The following PHGDH variants were observed in gnomAD, a reference collection of about 807,000 sequenced individuals.
PHGDH encodes D-3-phosphoglycerate dehydrogenase.
Under a neutral mutation model 52.6 loss-of-function variants are expected in PHGDH, and 50 were observed. That is an observed-to-expected ratio of 0.95 (90% confidence interval 0.76 to 1.20). PHGDH has a LOEUF of 1.20. Among genes scored for constraint, PHGDH ranks in the 50% most tolerant of loss-of-function variants. PHGDH has a pLI of 0.00. For synonymous variants in PHGDH, 271 were observed against 280.5 expected (o/e 0.97, Z 0.34); for missense variants, 630 against 684.6 (o/e 0.92, Z 0.89).
At chr1:119,722,517 A>T (rs587676289) in intron 2 of PHGDH, among the ~76,000 whole-genome samples, 14 of 152,254 alleles carry the variant, frequency 9.2e-5, no homozygotes, top group Non-Finnish European at 1.3e-4. Flanking sequence ...TTAGGGTGTG[A>T]GGAGGCTTTC....
At chr1:119,739,840 G>A (rs1201598557) in intron 8 of PHGDH, 1 of 157,516 alleles carries the variant, frequency 6.3e-6, no homozygotes, top group African/African-American at 2.4e-5. Flanking sequence ...TCCCCTCAGT[G>A]TCACAACATG....
At chr1:119,726,435 T>C (rs1651418420) in intron 3 of PHGDH, among the ~76,000 whole-genome samples, 1 of 152,094 alleles carries the variant, frequency 6.6e-6, no homozygotes, top group African/African-American at 2.4e-5. Flanking sequence ...TAGGTTATGG[T>C]GCTGGATGAG....
chr1:119,714,124 A>G (rs953097324), intron 1 of PHGDH, among the ~76,000 whole-genome samples: 2 of 152,182 alleles, frequency 1.3e-5, no homozygotes, highest in Non-Finnish European at 1.5e-5. Flanking sequence ...CAGAATGCCA[A>G]TTAATCTCCT....
In PHGDH at chr1:119,737,100, C is replaced by G. The variant is rs1421860040; in HGVS notation, c.793-14C>G. On this transcript the variant is annotated splice_polypyrimidine_tract_variant and intron_variant, in intron 7 of 11. Coordinates refer to ENST00000641023, the MANE Select transcript of PHGDH (RefSeq NM_006623.4). ...TCCATGGCAGCCAACTTAGAGGTAT[C>G]TCTTTCTGGGCAGGAGCCGCCACGG... 1.2e-6 allele frequency: 2 copies of G among 1,613,760 alleles called. No homozygotes were observed. Among genetic ancestry groups the G allele is most frequent in the Admixed American group, 1.7e-5 (1 of 60,028 alleles).
chr1:119,717,217 A>C lies in PHGDH; in HGVS notation c.139-3953A>C, dbSNP rs192409401. Among the ~76,000 whole-genome samples the C allele has an allele frequency of 4.9e-4, 63 of 127,634 alleles. No homozygotes were observed. In the Middle Eastern group the frequency reaches 0.012, roughly 25 times the overall value. 83.7% of individuals were successfully genotyped at this position (127,634 alleles called of 152,430 possible). A position where few individuals can be genotyped will look rare whatever the true frequency, so the allele number is the denominator to read the frequency against. On this transcript the variant is annotated intron_variant, in intron 1 of 11. Transcript: ENST00000641023. ...ATTGCACTCCAGCCTGGGCAATAAG[A>C]GTGAAACTCTGTCTCAAAAAAAAAA... is the stretch of plus-strand genomic sequence containing the variant.
chr1:119,720,487 A>G (rs1448648717), intron 1 of PHGDH: 1 of 152,886 alleles, frequency 6.5e-6, no homozygotes, highest in Non-Finnish European at 1.5e-5. Context: ...ATTTGATCCC[A>G]CCTCTGCCCT....
At chr1:119,736,967 G>C (rs1242768640) in intron 7 of PHGDH, 147 bp from the exon 8 acceptor site, 2 of 722,250 alleles carry the variant, frequency 2.8e-6, no homozygotes, top group Non-Finnish European at 4.9e-6. Context: ...GCCCATTATT[G>C]AGTCCAGTGA....
chr1:119,737,759 A>G (rs1011526360), intron 8 of PHGDH, among the ~76,000 whole-genome samples: 4 of 152,090 alleles, frequency 2.6e-5, no homozygotes, highest in Admixed American at 2.0e-4. Context: ...TCCCCAAATC[A>G]AGGCATAAGA....
chr1:119,721,138 C>T (rs1651136776), intron 1 of PHGDH, 32 bp from the exon 2 acceptor site: 1 of 1,611,730 alleles, frequency 6.2e-7, no homozygotes, highest in African/African-American at 1.3e-5. Flanking sequence ...CACAGAATGA[C>T]TTTCTGGACC....
At chr1:119,724,690 G>C in intron 3 of PHGDH, 1 of 404,900 alleles carries the variant, frequency 2.5e-6, no homozygotes, top group Non-Finnish European at 4.9e-6. Flanking sequence ...TAAGGGAAAA[G>C]ATCTCAATGT....
Position 119,734,631 on chromosome 1 carries a change from C to G in PHGDH, c.511-3C>G. ...TTCCTCCCTCTCTCTTGCTTCCAAC[C>G]AGACTATAGGGTATGACCCCATCAT... On this transcript the variant is annotated splice_region_variant and splice_polypyrimidine_tract_variant and intron_variant, in intron 5 of 11. Transcript: ENST00000641023. 6.2e-7 allele frequency: 1 copy of G among 1,613,946 alleles called. No individual in the cohort carries two copies. The highest frequency in any genetic ancestry group is 1.3e-5 in the African/African-American group (1 of 75,040).
rs1244466093 is a variant in PHGDH, at chr1:119,742,881, A to G, written c.1284A>G (p.Ala428=). The change falls in exon 11 of 12, where the codon GCA becomes GCG. Residue 428 remains alanine (A), a synonymous_variant. Coordinates refer to ENST00000641023, the MANE Select transcript of PHGDH (RefSeq NM_006623.4). ...AATGCCTCCTGGCCGTGGCCCTGGC[A>G]GGCGCCCCTTACCAGGCTGTGGGCT... ...FGECLLAVAL[A]GAPYQAVGLV... is the part of the protein sequence containing the mutation. 6.2e-7 allele frequency: 1 copy of G among 1,614,040 alleles called. No homozygotes were observed. The highest frequency in any genetic ancestry group is 1.1e-5 in the South Asian group (1 of 91,086).
At chr1:119,726,788 C>A in intron 3 of PHGDH, 63 bp from the exon 4 acceptor site, 1 of 1,340,824 alleles carries the variant, frequency 7.5e-7, no homozygotes, top group Non-Finnish European at 1.1e-6. Flanking sequence ...CCTGATGTTG[C>A]ATCTCCTTCC....
At chr1:119,734,544 TA>T in intron 5 of PHGDH, 89 bp from the exon 6 acceptor site, 1 of 1,257,222 alleles carries the variant, frequency 8.0e-7, no homozygotes, top group Non-Finnish European at 1.2e-6. Context: ...TAGTATATGG[TA>T]AATGCTCAAA....
intron 5 of PHGDH, among the ~76,000 whole-genome samples, chr1:119,732,216 G>A (rs745767400): frequency 2.6e-5 from 4 of 152,324 alleles, no homozygotes; most frequent in Admixed American, 6.5e-5. Flanking sequence ...GCAAGGCCCT[G>A]CAGCCAGCAT....
At chr1:119,738,155 G>A (rs889375431) in intron 8 of PHGDH, among the ~76,000 whole-genome samples, 1 of 152,048 alleles carries the variant, frequency 6.6e-6, no homozygotes, top group Non-Finnish European at 1.5e-5. Context: ...TCTGCAGCTT[G>A]TGTGGGTGGG....
chr1:119,719,753 C>A (rs1020613494), intron 1 of PHGDH: 1 of 152,230 alleles, frequency 6.6e-6, no homozygotes, highest in East Asian at 1.9e-4. Flanking sequence ...ACAACAAACA[C>A]AGTGTGGGCC....
rs201360104 is a variant in PHGDH, at chr1:119,736,320, TCTC to T, written c.793-791_793-789del. ...CACCATCCTCCCTAACACAGCACCT[TCTC>T]CTGCTCTCTTCAGCATCCTTGAACC... On this transcript the variant is annotated intron_variant, in intron 7 of 11. Coordinates refer to ENST00000641023, the MANE Select transcript of PHGDH (RefSeq NM_006623.4). Among the ~76,000 whole-genome samples the T allele has an allele frequency of 6.0e-3, 919 of 152,316 alleles. 11 individuals are homozygous for T. Among genetic ancestry groups the T allele is most frequent in the African/African-American group, 0.021 (889 of 41,566 alleles).
chr1:119,714,428 C>T (rs939809457), intron 1 of PHGDH: 15 of 151,970 alleles, frequency 9.9e-5, no homozygotes, highest in African/African-American at 3.4e-4. Context: ...GGGGTCATGA[C>T]GAGCATTTTA....
Sources: gnomAD v4.1 joint callset for allele counts (sites outside exome capture counted in the v4.1 genomes callset) on GRCh38, gnomAD v4.1.1 for gene constraint, MANE v1.5 for transcripts, NCBI Gene and HGNC (gene_info 2026-07-23, HGNC 2026-07-21) for gene names.